Variants in CSMD1 observed in about 807,000 individuals in gnomAD.
The protein encoded by CSMD1 is CUB and Sushi multiple domains 1.
In CSMD1, 213 loss-of-function variants were observed where a neutral mutation model predicts 417.5. The ratio of observed to expected loss-of-function variants is 0.51; its 90% CI spans 0.46 to 0.57. The LOEUF (loss-of-function observed/expected upper bound fraction) is 0.57. CSMD1 is among the 20% of genes least tolerant of loss of function. The pLI is 0.00. For synonymous variants in CSMD1, 2,862 were observed against 1,736.8 expected, an observed-to-expected ratio of 1.65 and a Z score of -16.11; for missense variants, 6,923 against 4,529.7, an observed-to-expected ratio of 1.53 and a Z score of -15.17.
At chr8:4,104,364 A>C (rs1801457165) in intron 3 of CSMD1, among the ~76,000 whole-genome samples, 1 of 152,222 alleles carries the variant, frequency 6.6e-6, no homozygotes, top group Non-Finnish European at 1.5e-5. Flanking sequence ...GCACACTGTG[A>C]AAAAATGCAC....
chr8:3,996,072 C>T (rs749082387), intron 5 of CSMD1, among the ~76,000 whole-genome samples: 2 of 152,182 alleles, frequency 1.3e-5, no homozygotes, highest in Non-Finnish European at 2.9e-5. Context: ...CTTTTCAGAA[C>T]ACGCTTCTCA....
At chr8:4,471,732 C>T (rs930766473) in intron 2 of CSMD1, among the ~76,000 whole-genome samples, 1 of 120,112 alleles carries the variant, frequency 8.3e-6, no homozygotes, top group East Asian at 2.4e-4. Flanking sequence ...AGCAAACACG[C>T]GGAGAAAAGA....
chr8:3,752,946 G>GA (rs1192293895), intron 6 of CSMD1, among the ~76,000 whole-genome samples: 1 of 152,120 alleles, frequency 6.6e-6, no homozygotes, highest in Non-Finnish European at 1.5e-5. Flanking sequence ...CCAGTTTGTT[G>GA]AAAAATTACT....
At chr8:4,184,560 A>G (rs566667893) in intron 3 of CSMD1, among the ~76,000 whole-genome samples, 2 of 152,250 alleles carry the variant, frequency 1.3e-5, no homozygotes, top group East Asian at 3.9e-4. Context: ...TGTCCTTTGC[A>G]TGAGCATGGA....
intron 3 of CSMD1, among the ~76,000 whole-genome samples, chr8:4,410,937 T>G (rs1219092542): frequency 6.6e-6 from 1 of 152,198 alleles, no homozygotes; most frequent in Non-Finnish European, 1.5e-5. Context: ...AGACTAGATT[T>G]GTTCTAGTGG....
At chr8:3,978,852 G>A (rs1813638413) in intron 5 of CSMD1, among the ~76,000 whole-genome samples, 1 of 152,072 alleles carries the variant, frequency 6.6e-6, no homozygotes, top group African/African-American at 2.4e-5. Context: ...TCCCTTCCCA[G>A]CGCTCCCATT....
rs543650098 is a variant in CSMD1, at chr8:3,042,029, C to T, written c.7660+10433G>A. 3.9e-5 allele frequency among the ~76,000 whole-genome samples: 6 copies of T among 152,294 alleles called. No individual in the cohort carries two copies. In the East Asian group the frequency reaches 9.7e-4, roughly 25 times the overall value. ...AGAAGCCTTAACAACTTTGTGCGGGCTCCCATGCCACTGGGAACCCAAGCC... is the reference window on the plus strand; with the variant it reads ...AGAAGCCTTAACAACTTTGTGCGGGTTCCCATGCCACTGGGAACCCAAGCC... On this transcript the variant is annotated intron_variant, in intron 50 of 69. Transcript: ENST00000635120.
intron 2 of CSMD1, among the ~76,000 whole-genome samples, chr8:4,512,727 G>A (rs1174814969): frequency 6.6e-6 from 1 of 151,170 alleles, no homozygotes; most frequent in Non-Finnish European, 1.5e-5. Flanking sequence ...TATAAATCTA[G>A]CAAAATACAT....
intron 7 of CSMD1, among the ~76,000 whole-genome samples, chr8:3,650,467 T>G (rs1394605025): frequency 6.6e-6 from 1 of 152,122 alleles, no homozygotes; most frequent in Non-Finnish European, 1.5e-5. Context: ...CTCATCATGC[T>G]CTAGGACTAA....
intron 10 of CSMD1, among the ~76,000 whole-genome samples, chr8:3,527,972 C>T (rs1051453208): frequency 6.6e-6 from 1 of 152,078 alleles, no homozygotes; most frequent in Non-Finnish European, 1.5e-5. Flanking sequence ...GGCCTCCGCC[C>T]ACCACACGCC....
intron 62 of CSMD1, among the ~76,000 whole-genome samples, chr8:2,958,782 C>T (rs1803219607): frequency 6.6e-6 from 1 of 152,182 alleles, no homozygotes; most frequent in African/African-American, 2.4e-5. Flanking sequence ...ATTTGAATTC[C>T]CCTCTTGTTT....
intron 49 of CSMD1, among the ~76,000 whole-genome samples, chr8:3,066,701 G>A (rs1383586031): frequency 6.6e-6 from 1 of 152,152 alleles, no homozygotes; most frequent in Non-Finnish European, 1.5e-5. Flanking sequence ...CAAACAGACT[G>A]AAGGCTGGTC....
intron 1 of CSMD1, among the ~76,000 whole-genome samples, chr8:4,666,020 T>C (rs552427443): frequency 2.0e-3 from 297 of 152,262 alleles, no homozygotes; most frequent in Middle Eastern, 0.01. Flanking sequence ...CACTTGTTGT[T>C]GTCATTTTTT....
At chr8:4,530,949 C>T (rs900940946) in intron 2 of CSMD1, among the ~76,000 whole-genome samples, 3 of 152,006 alleles carry the variant, frequency 2.0e-5, no homozygotes, top group Admixed American at 6.6e-5. Flanking sequence ...AAAAGACAGA[C>T]CTAGTATCTG....
intron 49 of CSMD1, among the ~76,000 whole-genome samples, chr8:3,072,531 T>C (rs767265499): frequency 6.6e-6 from 1 of 152,206 alleles, no homozygotes; most frequent in Admixed American, 6.5e-5. Flanking sequence ...TCAAAATACT[T>C]GGAAGAGCAC....
chr8:3,615,930 T>C (rs1240052861), intron 8 of CSMD1, among the ~76,000 whole-genome samples: 2 of 152,204 alleles, frequency 1.3e-5, no homozygotes, highest in African/African-American at 4.8e-5. Context: ...GTAATAGGAC[T>C]ATTATAATCA....
intron 3 of CSMD1, among the ~76,000 whole-genome samples, chr8:4,065,475 C>A (rs1256805782): frequency 6.6e-6 from 1 of 152,140 alleles, no homozygotes; most frequent in Non-Finnish European, 1.5e-5. Flanking sequence ...ACTGAATGTA[C>A]ATTAGCTAAT....
In CSMD1 at chr8:4,462,106, C is replaced by T. The variant is rs150593008; in HGVS notation, c.303-42041G>A. On this transcript the variant is annotated intron_variant, in intron 2 of 69. Coordinates refer to ENST00000635120, the MANE Select transcript of CSMD1 (RefSeq NM_033225.6). ...CACAGGCTGGTCTCAAACTCCTGGGCTCAAGGGATCCTCCCACCTTGGCCT... is the reference window on the plus strand; with the variant it reads ...CACAGGCTGGTCTCAAACTCCTGGGTTCAAGGGATCCTCCCACCTTGGCCT... 7.2e-3 allele frequency among the ~76,000 whole-genome samples: 1,088 copies of T among 152,070 alleles called. 9 individuals are homozygous for T. The highest frequency in any genetic ancestry group is 0.025 in the African/African-American group (1,037 of 41,480).
intron 1 of CSMD1, among the ~76,000 whole-genome samples, chr8:4,955,818 G>C (rs941965355): frequency 6.6e-6 from 1 of 152,124 alleles, no homozygotes; most frequent in African/African-American, 2.4e-5. Flanking sequence ...GCCAACATGG[G>C]AATATTTAGG....
Sources: allele counts gnomAD v4.1 joint callset (sites outside exome capture counted in the v4.1 genomes callset), GRCh38; gene constraint gnomAD v4.1.1; transcripts MANE v1.5; gene names NCBI Gene and HGNC (gene_info 2026-07-23, HGNC 2026-07-21).